Variants in ABHD12B observed in about 807,000 individuals in gnomAD.
ABHD12B encodes the protein abhydrolase domain containing 12B.
In ABHD12B, 42 loss-of-function variants were observed where a neutral mutation model predicts 50.4. The observed-to-expected ratio is 0.83, with a 90% CI of 0.65 to 1.08. The LOEUF is 1.08. Ranked by LOEUF, ABHD12B falls within the 50% of genes least tolerant of loss-of-function variation. ABHD12B has a pLI of 0.00. For synonymous variants in ABHD12B, 167 were observed against 160.3 expected (o/e 1.04, Z -0.32); for missense variants, 479 against 447.7 (o/e 1.07, Z -0.63).
At chr14:50,889,081 G>A (rs1320842531) in intron 9 of ABHD12B, among the ~76,000 whole-genome samples, 178 bp downstream of exon 9, 2 of 152,168 alleles carry the variant, frequency 1.3e-5, no homozygotes, top group Non-Finnish European at 2.9e-5. Context: ...GGGAACCCAT[G>A]GCTGTCGGAT....
In ABHD12B at chr14:50,904,540, T is replaced by C. The variant is rs1448340573; in HGVS notation, c.*174T>C. The C allele has an allele frequency of 2.6e-6, 2 of 764,468 alleles. No homozygotes were observed. Among genetic ancestry groups the C allele is most frequent in the African/African-American group, 3.5e-5 (2 of 57,516 alleles). The allele number at this position is 764,468 out of a possible 1,614,324, so 47.4% of individuals were successfully genotyped here. A position where few individuals can be genotyped will look rare whatever the true frequency, so the allele number is the denominator to read the frequency against. ...AGTACGAATGTTAGGCAGTATGGAA[T>C]GTTCTTATTTAGCTTATCATAATCT... is the stretch of plus-strand genomic sequence containing the variant. On this transcript the variant is annotated 3_prime_UTR_variant, in exon 13 of 13. Transcript: ENST00000337334.
intron 9 of ABHD12B, chr14:50,895,851 A>G (rs1314946329): frequency 6.7e-6 from 1 of 150,230 alleles, no homozygotes; most frequent in Non-Finnish European, 1.5e-5. Context: ...ACCTCTTAAA[A>G]CTCCCCAACT....
chr14:50,896,070 G>A (rs2142763593), intron 9 of ABHD12B, among the ~76,000 whole-genome samples: 1 of 151,992 alleles, frequency 6.6e-6, no homozygotes, highest in Admixed American at 6.6e-5. Flanking sequence ...TAACCCACAA[G>A]TATAAGATAC....
chr14:50,882,622 C>T (rs1241894755), intron 5 of ABHD12B, among the ~76,000 whole-genome samples: 17 of 151,954 alleles, frequency 1.1e-4, no homozygotes, highest in South Asian at 2.1e-4. Context: ...CCTCGTGATC[C>T]GCCTACCTTG....
At position 50,878,763 on chromosome 14, in the gene ABHD12B, T is replaced by C; in HGVS notation, c.251T>C (p.Val84Ala). The stretch of plus-strand genomic sequence containing the variant: ...TTTCCAGTCAAAGCCCCATTTCTTG[T>C]GGATTTAAAGAAACCAGAGTTAAAG... ...YFNFFKAPFL[V>A]DLKKPELKIP... Residue 84 changes from valine to alanine, a missense_variant, in exon 3 of 13, where the codon GTG (valine) becomes GCG (alanine). Coordinates refer to ENST00000337334, the MANE Select transcript of ABHD12B (RefSeq NM_001206673.2). The C allele has an allele frequency of 1.2e-6, 2 of 1,613,744 alleles. No homozygotes were observed. The highest frequency in any genetic ancestry group is 1.7e-6 in the Non-Finnish European group (2 of 1,179,622).
At chr14:50,903,266 G>A in intron 10 of ABHD12B, 123 bp from the exon 11 acceptor site, 1 of 680,366 alleles carries the variant, frequency 1.5e-6, no homozygotes, top group Non-Finnish European at 2.4e-6. Flanking sequence ...TTCCTTGGAA[G>A]GAAGGAAAGA....
intron 9 of ABHD12B, chr14:50,892,536 T>C: frequency 1.0e-6 from 1 of 985,436 alleles, no homozygotes; most frequent in Non-Finnish European, 1.2e-6. Context: ...CATCTAAGAA[T>C]AAGGAGAAGC....
intron 9 of ABHD12B, among the ~76,000 whole-genome samples, chr14:50,897,977 A>T (rs908463785): frequency 6.6e-6 from 1 of 152,214 alleles, no homozygotes; most frequent in Non-Finnish European, 1.5e-5. Flanking sequence ...CTTTGCTCAC[A>T]GGTGTGGCCA....
chr14:50,896,063 C>A (rs889316869), intron 9 of ABHD12B, among the ~76,000 whole-genome samples: 52 of 152,172 alleles, frequency 3.4e-4, no homozygotes, highest in South Asian at 4.2e-4. Context: ...CCGACCTTAA[C>A]CCACAAGTAT....
intron 8 of ABHD12B, among the ~76,000 whole-genome samples, chr14:50,888,552 A>T (rs2050073537): frequency 6.6e-6 from 1 of 152,120 alleles, no homozygotes; most frequent in Non-Finnish European, 1.5e-5. Flanking sequence ...TCTTAGAAGA[A>T]GGTAGTGGTT....
chr14:50,904,108 A>C lies in ABHD12B; in HGVS notation c.977A>C (p.Lys326Thr). 1 of 1,614,096 alleles carries C rather than the reference A, an allele frequency of 6.2e-7. No individual in the cohort carries two copies. Among genetic ancestry groups the C allele is most frequent in the Non-Finnish European group, 8.5e-7 (1 of 1,179,990 alleles). The stretch of plus-strand genomic sequence containing the variant: ...ATTGCACGCAATGCATACAGGAACA[A>C]AGAGAGGGTCAAGATGGTTATCTTT... ...YEIARNAYRN[K>T]ERVKMVIFPP... Residue 326 changes from lysine to threonine, a missense_variant, in exon 12 of 13, where the codon AAA (lysine) becomes ACA (threonine). By Grantham distance (78) the Lys-to-Thr change is moderately conservative (BLOSUM62 -1). Transcript: ENST00000337334.
At position 50,880,446 on chromosome 14, in the gene ABHD12B, C is replaced by T. The variant is rs758948210; in HGVS notation, c.336-6C>T. On this transcript the variant is annotated splice_region_variant and splice_polypyrimidine_tract_variant and intron_variant, in intron 3 of 12. Coordinates refer to ENST00000337334, the MANE Select transcript of ABHD12B (RefSeq NM_001206673.2). The stretch of plus-strand genomic sequence containing the variant: ...TACATTTGTTTAAACCTCCCTTGCT[C>T]TTCAGGCACACAGTCCCCAGCTGCC... 6.3e-6 allele frequency: 10 copies of T among 1,598,264 alleles called. No homozygotes were observed.
At chr14:50,902,834 C>T (rs1027908392) in intron 10 of ABHD12B, among the ~76,000 whole-genome samples, 2 of 152,140 alleles carry the variant, frequency 1.3e-5, no homozygotes, top group African/African-American at 4.8e-5. Context: ...ATTCTTCATG[C>T]CATAGCCCTT....
chr14:50,877,984 G>T lies in ABHD12B; in HGVS notation c.137G>T (p.Arg46Ile). The T allele has an allele frequency of 2.0e-6, 3 of 1,534,420 alleles. No individual in the cohort carries two copies. Among genetic ancestry groups the T allele is most frequent in the Non-Finnish European group, 2.6e-6 (3 of 1,146,306 alleles). ...CCACACTCCTGTTCAATGCTCGGAA[G>T]AAAAATTGCTGCTCTGTATGACAGC... ...YFPHSCSMLG[R>I]KIAALYDSFT... is the part of the protein sequence containing the mutation. Residue 46 changes from arginine to isoleucine, a missense_variant, in exon 2 of 13, where the codon AGA (arginine) becomes ATA (isoleucine). Physicochemically the swap from Arg to Ile is moderately conservative, Grantham distance 97. Coordinates refer to ENST00000337334, the MANE Select transcript of ABHD12B (RefSeq NM_001206673.2).
rs192905928 is a variant in ABHD12B at position 50,890,535 on chromosome 14, G to A, written c.780+1632G>A. ...ATGCATCTCTGAGCAATATTGTTTT[G>A]TCTGTGAACTTTATATGAAAGTAAA... On this transcript the variant is annotated intron_variant, in intron 9 of 12. Transcript: ENST00000337334. Among the ~76,000 whole-genome samples, 57 of 152,156 alleles carry A rather than the reference G, an allele frequency of 3.7e-4. 1 individual carries two copies. Among genetic ancestry groups the A allele is most frequent in the Admixed American group, 2.0e-3 (30 of 15,296 alleles).
chr14:50,878,851 A>G lies in ABHD12B; in HGVS notation c.335+4A>G. 2 of 1,612,540 alleles carry G rather than the reference A, an allele frequency of 1.2e-6. No individual in the cohort carries two copies. Among genetic ancestry groups the G allele is most frequent in the Non-Finnish European group, 1.7e-6 (2 of 1,178,694 alleles). On this transcript the variant is annotated splice_donor_region_variant and intron_variant, in intron 3 of 12. Transcript: ENST00000337334. ...CTGGGGTGATGCTAGGGATCTGGTG[A>G]GTGCACGGATGGGACACCGGGTTGC...
Position 50,904,149 on chromosome 14 carries a change from C to A in ABHD12B, c.1018C>A (p.His340Asn). The change falls in exon 12 of 13, where the codon CAC (histidine) becomes AAC (asparagine). Residue 340 changes from histidine to asparagine, a missense_variant. Physicochemically the swap from His to Asn is moderately conservative, Grantham distance 68. Coordinates refer to ENST00000337334, the MANE Select transcript of ABHD12B (RefSeq NM_001206673.2). ...GGTTATCTTTCCTCCTGGCTTCCAA[C>A]ACAACCTGCTTTGTAAAAGCCCCAC... ...KMVIFPPGFQ[H>N]NLLCKSPTLL... 6.2e-7 allele frequency: 1 copy of A among 1,614,170 alleles called. No homozygotes were observed. Among genetic ancestry groups the A allele is most frequent in the South Asian group, 1.1e-5 (1 of 91,078 alleles).
At chr14:50,895,991 A>G (rs1387590435) in intron 9 of ABHD12B, among the ~76,000 whole-genome samples, 2 of 152,012 alleles carry the variant, frequency 1.3e-5, no homozygotes, top group African/African-American at 4.8e-5. Flanking sequence ...GACTACAGCT[A>G]TATCTCATTG....
At chr14:50,880,289 A>AT (rs2049921208) in intron 3 of ABHD12B, among the ~76,000 whole-genome samples, 163 bp from the exon 4 acceptor site, 1 of 152,204 alleles carries the variant, frequency 6.6e-6, no homozygotes, top group Non-Finnish European at 1.5e-5. Context: ...GGTTCTCGTC[A>AT]TAAGACTTTT....
Sources: gnomAD v4.1 joint callset for allele counts (sites outside exome capture counted in the v4.1 genomes callset) on GRCh38, gnomAD v4.1.1 for gene constraint, MANE v1.5 for transcripts, NCBI Gene and HGNC (gene_info 2026-07-23, HGNC 2026-07-21) for gene names.